Variants in METTL8 observed in about 807,000 individuals in gnomAD.
The protein encoded by METTL8 is tRNA N(3)-cytidine methyltransferase METTL8, mitochondrial.
METTL8 carries 32 observed loss-of-function variants against 48.7 expected under a neutral mutation model. The observed-to-expected ratio is 0.66, with a 90% CI of 0.50 to 0.88. The LOEUF is 0.88. Among genes scored for constraint, METTL8 ranks in the 40% least tolerant of loss-of-function variants. METTL8 has a pLI of 0.00. For missense variants in METTL8, 464 were observed against 474.4 expected (o/e 0.98, Z 0.20); for synonymous variants, 136 against 157.1 (o/e 0.87, Z 1.01).
intron 2 of METTL8, among the ~76,000 whole-genome samples, chr2:171,389,492 G>A (rs967452911): frequency 2.1e-5 from 3 of 140,826 alleles, no homozygotes; most frequent in East Asian, 2.0e-4. Context: ...TCCAGCTTGG[G>A]TGACAGAGTC....
intron 1 of METTL8, among the ~76,000 whole-genome samples, chr2:171,396,265 GAATA>G (rs56295899): frequency 2.7e-4 from 41 of 151,092 alleles, no homozygotes; most frequent in South Asian, 6.3e-4. Context: ...CTGTCTCAAT[GAATA>G]AATAAATAAA....
intron 2 of METTL8, among the ~76,000 whole-genome samples, chr2:171,364,672 G>C (rs1355919909): frequency 1.3e-5 from 2 of 152,176 alleles, no homozygotes; most frequent in East Asian, 3.9e-4. Context: ...ATTTGGAAAA[G>C]TTAAAACACA....
At chr2:171,373,218 A>T (rs929940201) in intron 2 of METTL8, among the ~76,000 whole-genome samples, 1 of 152,084 alleles carries the variant, frequency 6.6e-6, no homozygotes, top group East Asian at 1.9e-4. Flanking sequence ...TTTGATTTGC[A>T]TTTCTCTGAT....
At chr2:171,374,456 T>C (rs537624123) in intron 2 of METTL8, among the ~76,000 whole-genome samples, 2 of 152,344 alleles carry the variant, frequency 1.3e-5, no homozygotes, top group South Asian at 4.1e-4. Context: ...CTACATTATT[T>C]TCCAATGTAT....
chr2:171,401,307 C>T (rs112302742), intron 1 of METTL8, among the ~76,000 whole-genome samples: 1 of 152,088 alleles, frequency 6.6e-6, no homozygotes, highest in Non-Finnish European at 1.5e-5. Context: ...GCAATTTCAG[C>T]GAACTCAGAG....
At chr2:171,353,303 T>A (rs1684159023) in intron 3 of METTL8, among the ~76,000 whole-genome samples, 1 of 152,234 alleles carries the variant, frequency 6.6e-6, no homozygotes, top group South Asian at 2.1e-4. Context: ...AATCCTGAGT[T>A]CTAGTTTGAT....
chr2:171,415,816 G>A (rs1001596866), intron 1 of METTL8, among the ~76,000 whole-genome samples: 1 of 152,172 alleles, frequency 6.6e-6, no homozygotes, highest in Non-Finnish European at 1.5e-5. Context: ...AGCAACACTA[G>A]AATGCTGGAT....
Position 171,353,399 on chromosome 2 carries a change from A to G in METTL8, c.235+7023T>C, listed in dbSNP as rs556457725. On this transcript the variant is annotated intron_variant, in intron 3 of 9. Coordinates refer to ENST00000375258, the MANE Select transcript of METTL8 (RefSeq NM_001321154.2). Reference sequence around the variant, plus strand: ...TGCTTTACTTCTAACTATGTGGTCAATTTTGGAATAAGTGTGATGTGGTGC... The same window carrying G: ...TGCTTTACTTCTAACTATGTGGTCAGTTTTGGAATAAGTGTGATGTGGTGC... 1.1e-4 allele frequency among the ~76,000 whole-genome samples: 16 copies of G among 152,320 alleles called. No individual in the cohort carries two copies. The South Asian group carries it at 2.1e-3, about 20-fold the overall frequency.
intron 2 of METTL8, among the ~76,000 whole-genome samples, chr2:171,371,066 A>G (rs914461825): frequency 8.5e-5 from 13 of 152,344 alleles, no homozygotes; most frequent in African/African-American, 3.1e-4. Context: ...TACCAGTAAT[A>G]AAGAAAAAAC....
At chr2:171,389,063 C>T (rs112197412) in intron 2 of METTL8, among the ~76,000 whole-genome samples, 4 of 152,162 alleles carry the variant, frequency 2.6e-5, no homozygotes, top group African/African-American at 9.6e-5. Flanking sequence ...TCTACGTGTT[C>T]AAATGAAAGG....
chr2:171,369,395 T>C (rs945688083), intron 2 of METTL8, among the ~76,000 whole-genome samples: 2 of 152,232 alleles, frequency 1.3e-5, no homozygotes, highest in Admixed American at 6.5e-5. Context: ...CAAGAGGATA[T>C]GAGAATCCAA....
intron 3 of METTL8, among the ~76,000 whole-genome samples, chr2:171,344,027 C>A (rs1369245845): frequency 6.6e-6 from 1 of 152,130 alleles, no homozygotes; most frequent in African/African-American, 2.4e-5. Context: ...TGCTAATATA[C>A]CTATTTTCAA....
chr2:171,434,666 G>C, upstream of METTL8: 1 of 1,521,298 alleles, frequency 6.6e-7, no homozygotes, highest in South Asian at 1.2e-5. Flanking sequence ...GTGGTGCAGA[G>C]GACCAACCTG....
At chr2:171,332,100 G>A in intron 5 of METTL8, 2 of 387,244 alleles carry the variant, frequency 5.2e-6, no homozygotes, top group Non-Finnish European at 9.7e-6. Context: ...TGCCCAGGCT[G>A]GTCTTGAACT....
At chr2:171,392,942 CA>C (rs34723018) in intron 1 of METTL8, among the ~76,000 whole-genome samples, 7,595 of 132,996 alleles carry the variant, frequency 0.057, 555 homozygotes, top group African/African-American at 0.18. Flanking sequence ...ACTAAAAATA[CA>C]AAAAAAAAAA....
intron 1 of METTL8, among the ~76,000 whole-genome samples, chr2:171,418,969 T>C (rs1691606089): frequency 6.6e-6 from 1 of 151,048 alleles, no homozygotes; most frequent in African/African-American, 2.4e-5. Flanking sequence ...CCGGTATGAG[T>C]ATACTCCAGT....
chr2:171,341,327 CAA>C (rs36083621), intron 3 of METTL8, among the ~76,000 whole-genome samples: 12 of 129,148 alleles, frequency 9.3e-5, no homozygotes, highest in African/African-American at 3.5e-4. Context: ...GACTCCGTCT[CAA>C]AAAAAAAAAA....
chr2:171,326,054 G>T lies in METTL8; in HGVS notation c.955C>A (p.Arg319Ser). 1 of 1,535,980 alleles carries T rather than the reference G, an allele frequency of 6.5e-7. No homozygotes were observed. Among genetic ancestry groups the T allele is most frequent in the South Asian group, 1.2e-5 (1 of 82,426 alleles). The change falls in exon 8 of 10, where the codon CGT becomes AGT. Residue 319 changes from arginine (R) to serine (S), a missense_variant. Arg to Ser is a moderately radical substitution (Grantham distance 110, BLOSUM62 -1). Transcript: ENST00000375258. ...DYGRYDKTQLRFKKGHCLSEN... is the reference protein window; with the variant it reads ...DYGRYDKTQLSFKKGHCLSEN... Reference sequence around the variant, plus strand: ...AATATACTATTACCCTTTTTAAAACGAAGCTGAGTCTTATCATATCTTCCA... The same window carrying T: ...AATATACTATTACCCTTTTTAAAACTAAGCTGAGTCTTATCATATCTTCCA...
intron 1 of METTL8, among the ~76,000 whole-genome samples, chr2:171,421,563 A>G (rs1309552804): frequency 1.3e-5 from 2 of 152,240 alleles, no homozygotes; most frequent in Non-Finnish European, 2.9e-5. Context: ...AGTCCTTTAA[A>G]GAAAAAATTA....
Sources: gnomAD v4.1 joint callset for allele counts (sites outside exome capture counted in the v4.1 genomes callset) on GRCh38, gnomAD v4.1.1 for gene constraint, MANE v1.5 for transcripts, NCBI Gene and HGNC (gene_info 2026-07-23, HGNC 2026-07-21) for gene names.